The following SHC4 variants were observed in gnomAD, a reference collection of about 807,000 sequenced individuals.
The protein encoded by SHC4 is SHC-transforming protein 4.
Under a neutral mutation model 69.4 loss-of-function variants are expected in SHC4, and 41 were observed. That is an observed-to-expected ratio of 0.59 (90% CI 0.46 to 0.77). The LOEUF is 0.77. SHC4 is among the 30% of genes least tolerant of loss of function. The pLI is 0.00. For synonymous variants in SHC4, 318 were observed against 299.3 expected, an observed-to-expected ratio of 1.06 and a Z score of -0.64; for missense variants, 777 against 783.8, an observed-to-expected ratio of 0.99 and a Z score of 0.10.
chr15:48,840,266 A>G (rs1898967529), intron 10 of SHC4, among the ~76,000 whole-genome samples: 1 of 152,206 alleles, frequency 6.6e-6, no homozygotes, highest in South Asian at 2.1e-4. Flanking sequence ...AGTATTTGTT[A>G]TGGCAACTGA....
intron 1 of SHC4, among the ~76,000 whole-genome samples, chr15:48,935,676 T>A (rs991345998): frequency 6.6e-6 from 1 of 152,210 alleles, no homozygotes; most frequent in African/African-American, 2.4e-5. Context: ...CCTTTTAGTG[T>A]AACACCAATC....
At chr15:48,868,152 T>C (rs1899599113) in intron 5 of SHC4, among the ~76,000 whole-genome samples, 1 of 152,228 alleles carries the variant, frequency 6.6e-6, no homozygotes, top group African/African-American at 2.4e-5. Context: ...GGGAACATGT[T>C]AGGACATATT....
In SHC4 at chr15:48,878,137, T is replaced by C. The variant is rs770951484; in HGVS notation, c.841-5995A>G. On this transcript the variant is annotated intron_variant, in intron 4 of 11. Coordinates refer to ENST00000332408, the MANE Select transcript of SHC4 (RefSeq NM_203349.4). The stretch of plus-strand genomic sequence containing the variant: ...AACGCACGGCCGCGCAGCATCTGTC[T>C]TGCTGGAAGCTTTTTCCTAGAGGTT... 5 of 1,517,940 alleles carry C rather than the reference T, an allele frequency of 3.3e-6. No homozygotes were observed. The East Asian group carries it at 1.1e-4, about 35-fold the overall frequency. 94.0% of individuals were successfully genotyped at this position (1,517,940 alleles called of 1,614,324 possible).
rs960214877 is a variant in SHC4, at chr15:48,824,836, G to A, written c.*1135C>T. The stretch of plus-strand genomic sequence containing the variant: ...GAAGGTCACACTGGTAAGACTCAGC[G>A]TAATGCTTTTCTGTACACCATGCTT... On this transcript the variant is annotated 3_prime_UTR_variant, in exon 12 of 12. Coordinates refer to ENST00000332408, the MANE Select transcript of SHC4 (RefSeq NM_203349.4). 9 of 152,602 alleles carry A rather than the reference G, an allele frequency of 5.9e-5. No homozygotes were observed. The highest frequency in any genetic ancestry group is 4.6e-4 in the Admixed American group (7 of 15,278). 9.5% of individuals were successfully genotyped at this position (152,602 alleles called of 1,614,324 possible). A position where few individuals can be genotyped will look rare whatever the true frequency, so the allele number is the denominator to read the frequency against.
chr15:48,897,851 A>C (rs1900252491), intron 2 of SHC4, among the ~76,000 whole-genome samples: 2 of 152,078 alleles, frequency 1.3e-5, no homozygotes, highest in African/African-American at 4.8e-5. Context: ...AATGAGAATA[A>C]AATTTTAATC....
chr15:48,826,451 G>A (rs911022001), intron 11 of SHC4, among the ~76,000 whole-genome samples: 5 of 151,926 alleles, frequency 3.3e-5, no homozygotes, highest in Non-Finnish European at 2.9e-5. Flanking sequence ...GTTTCACCGT[G>A]TTGCCCAGGC....
chr15:48,908,171 G>A (rs781168768), intron 2 of SHC4, among the ~76,000 whole-genome samples: 7 of 152,146 alleles, frequency 4.6e-5, no homozygotes, highest in Non-Finnish European at 1.0e-4. Context: ...CCCACCAGCA[G>A]TGTAGACGTG....
intron 1 of SHC4, among the ~76,000 whole-genome samples, chr15:48,938,913 C>A (rs752722786): frequency 6.6e-6 from 1 of 152,196 alleles, no homozygotes; most frequent in South Asian, 2.1e-4. Context: ...CAGCTTTACA[C>A]GTACTGGCTG....
intron 1 of SHC4, among the ~76,000 whole-genome samples, chr15:48,950,980 A>G (rs1901356506): frequency 6.6e-6 from 1 of 151,976 alleles, no homozygotes; most frequent in Non-Finnish European, 1.5e-5. Context: ...CCCTCTCCCT[A>G]GGTGACCTGT....
chr15:48,923,635 C>CTT (rs59906872), intron 2 of SHC4, among the ~76,000 whole-genome samples: 3,565 of 92,478 alleles, frequency 0.039, 375 homozygotes, highest in African/African-American at 0.13. Flanking sequence ...ACTACTCAGT[C>CTT]TTTTTTTTTT....
At chr15:48,878,408 G>T (rs761502658) in intron 4 of SHC4, 2 of 1,611,842 alleles carry the variant, frequency 1.2e-6, no homozygotes, top group African/African-American at 2.7e-5. Context: ...CCTTGCTAAC[G>T]GGCCCAACGC....
chr15:48,844,183 T>C (rs1348196589), intron 9 of SHC4, among the ~76,000 whole-genome samples: 1 of 152,236 alleles, frequency 6.6e-6, no homozygotes, highest in African/African-American at 2.4e-5. Context: ...TGTTTAATTC[T>C]GTTATTCAAT....
chr15:48,948,669 G>A (rs1901314862), intron 1 of SHC4, among the ~76,000 whole-genome samples: 3 of 152,188 alleles, frequency 2.0e-5, no homozygotes, highest in Admixed American at 1.3e-4. Flanking sequence ...ACTTTGGAAG[G>A]CCGAGGCAGG....
At chr15:48,953,921 T>C (rs1035888873) in intron 1 of SHC4, among the ~76,000 whole-genome samples, 3 of 152,194 alleles carry the variant, frequency 2.0e-5, no homozygotes, top group South Asian at 4.2e-4. Context: ...TGGTGTGAAC[T>C]ATAATTTTTA....
At position 48,914,624 on chromosome 15, in the gene SHC4, C is replaced by T. The variant is rs535110057; in HGVS notation, c.656+10255G>A. Among the ~76,000 whole-genome samples the T allele has an allele frequency of 1.9e-4, 29 of 152,192 alleles. 1 individual carries two copies. Among genetic ancestry groups the T allele is most frequent in the Admixed American group, 7.2e-4 (11 of 15,274 alleles). ...CATGCTAGAAACTTAAGCCCCGAAG[C>T]CTCGATTATCCTTTTCTTATTTGCT... On this transcript the variant is annotated intron_variant, in intron 2 of 11. Transcript: ENST00000332408.
At position 48,945,873 on chromosome 15, in the gene SHC4, C is replaced by T. The variant is rs543640590; in HGVS notation, c.585+16558G>A. On this transcript the variant is annotated intron_variant, in intron 1 of 11. Coordinates refer to ENST00000332408, the MANE Select transcript of SHC4 (RefSeq NM_203349.4). ...ATTTTACAGTATGTGAATTATAGCT[C>T]AATAAAACTGTTATAAAAATAAACC... is the stretch of plus-strand genomic sequence containing the variant. 7 of 152,046 alleles carry T rather than the reference C, an allele frequency of 4.6e-5. No homozygotes were observed. In the South Asian group the frequency reaches 1.0e-3, roughly 23 times the overall value. The allele number at this position is 152,046 out of a possible 1,614,324, so 9.4% of individuals were successfully genotyped here. A position where few individuals can be genotyped will look rare whatever the true frequency, so the allele number is the denominator to read the frequency against.
In SHC4 at chr15:48,847,129, A is replaced by C. The variant is rs545788572; in HGVS notation, c.1304-3541T>G. Among the ~76,000 whole-genome samples the C allele has an allele frequency of 1.5e-3, 235 of 152,132 alleles. 3 individuals are homozygous for C. In the South Asian group the frequency reaches 0.025, roughly 16 times the overall value. ...TCAAATTTAAAATCATTCTAGGCTG[A>C]AGTGTTTGGTTGACGAGGGCTTAGA... On this transcript the variant is annotated intron_variant, in intron 9 of 11. Transcript: ENST00000332408.
chr15:48,954,710 G>T (rs560100974), intron 1 of SHC4, among the ~76,000 whole-genome samples: 13 of 152,166 alleles, frequency 8.5e-5, no homozygotes, highest in Non-Finnish European at 1.9e-4. Context: ...CCGGGAGAAA[G>T]TATGCCAAAG....
At position 48,904,015 on chromosome 15, in the gene SHC4, A is replaced by G. The variant is rs185438385; in HGVS notation, c.657-13204T>C. On this transcript the variant is annotated intron_variant, in intron 2 of 11. Transcript: ENST00000332408. ...ATTTTTTTTCTCCTTAGAAATCACA[A>G]AAGGACATTAAAGTATCTTTTCCTA... Among the ~76,000 whole-genome samples the G allele has an allele frequency of 1.2e-3, 183 of 152,314 alleles. 1 individual carries two copies. Among genetic ancestry groups the G allele is most frequent in the African/African-American group, 4.1e-3 (171 of 41,568 alleles).
Sources: gnomAD v4.1 joint callset for allele counts (sites outside exome capture counted in the v4.1 genomes callset) on GRCh38, gnomAD v4.1.1 for gene constraint, MANE v1.5 for transcripts, NCBI Gene and HGNC (gene_info 2026-07-23, HGNC 2026-07-21) for gene names.